The following CFAP77 variants were observed in gnomAD, a reference collection of about 807,000 sequenced individuals.
The protein encoded by CFAP77 is cilia and flagella associated protein 77.
In CFAP77, 25 loss-of-function variants were observed where a neutral mutation model predicts 31.1. The observed-to-expected ratio is 0.80, with a 90% CI of 0.59 to 1.12. The LOEUF is 1.12. CFAP77 is among the 50% of genes most tolerant of loss of function. The probability of loss-of-function intolerance (pLI) is 0.00; values close to 1 mark genes in which losing one functional copy is unlikely to be tolerated. For synonymous variants in CFAP77, 151 were observed against 159.9 expected (o/e 0.94, Z 0.42); for missense variants, 377 against 397.3 (o/e 0.95, Z 0.44).
intron 1 of CFAP77, among the ~76,000 whole-genome samples, chr9:132,428,401 G>C (rs1850351655): frequency 6.6e-6 from 1 of 152,028 alleles, no homozygotes; most frequent in South Asian, 2.1e-4. Context: ...CAGGCGGGAG[G>C]TCAGGAGTTC....
At chr9:132,502,254 T>C (rs769459671) in intron 3 of CFAP77, among the ~76,000 whole-genome samples, 4 of 85,116 alleles carry the variant, frequency 4.7e-5, no homozygotes, top group Non-Finnish European at 9.0e-5. Context: ...TGCCATCATA[T>C]ATATATATAT....
intron 5 of CFAP77, among the ~76,000 whole-genome samples, chr9:132,557,432 A>G (rs1589924867): frequency 6.6e-6 from 1 of 152,194 alleles, no homozygotes; most frequent in Admixed American, 6.5e-5. Context: ...TGGGCCCAGC[A>G]CAGCCAGGGA....
At chr9:132,453,678 GCCAGGGGCA>G (rs1267645413) in intron 1 of CFAP77, among the ~76,000 whole-genome samples, 1 of 152,212 alleles carries the variant, frequency 6.6e-6, no homozygotes, top group Non-Finnish European at 1.5e-5. Context: ...GGGGGCTGGA[GCCAGGGGCA>G]CCAGGTAATG....
intron 1 of CFAP77, among the ~76,000 whole-genome samples, chr9:132,423,324 G>A (rs1297619113): frequency 6.6e-6 from 1 of 152,222 alleles, no homozygotes; most frequent in Non-Finnish European, 1.5e-5. Context: ...GGGAGGATGA[G>A]GAAGAGGCTG....
At chr9:132,467,596 TC>T (rs1851177898) in intron 1 of CFAP77, among the ~76,000 whole-genome samples, 1 of 152,216 alleles carries the variant, frequency 6.6e-6, no homozygotes, top group Non-Finnish European at 1.5e-5. Flanking sequence ...CATTCTTCCA[TC>T]GATGGACACT....
chr9:132,522,527 G>T (rs541565678), intron 3 of CFAP77, among the ~76,000 whole-genome samples: 2 of 152,102 alleles, frequency 1.3e-5, no homozygotes, highest in Non-Finnish European at 2.9e-5. Flanking sequence ...GGCAAAAATC[G>T]TTCATTTTGG....
chr9:132,562,505 G>T (rs1261063635), intron 5 of CFAP77, among the ~76,000 whole-genome samples: 1 of 152,048 alleles, frequency 6.6e-6, no homozygotes, highest in Non-Finnish European at 1.5e-5. Flanking sequence ...TCATGCTTAG[G>T]TTCCATTCTG....
At chr9:132,466,361 T>G (rs1390735167) in intron 1 of CFAP77, among the ~76,000 whole-genome samples, 1 of 152,120 alleles carries the variant, frequency 6.6e-6, no homozygotes, top group Non-Finnish European at 1.5e-5. Context: ...TGACACACAT[T>G]CAGGTCAGCT....
At chr9:132,532,566 G>A (rs1028787064) in intron 3 of CFAP77, among the ~76,000 whole-genome samples, 4 of 152,182 alleles carry the variant, frequency 2.6e-5, no homozygotes, top group Middle Eastern at 3.2e-3. Context: ...CAAAGTTTAA[G>A]ACCACCACGC....
intron 5 of CFAP77, among the ~76,000 whole-genome samples, chr9:132,549,764 C>T (rs924272546): frequency 1.3e-5 from 2 of 152,064 alleles, no homozygotes; most frequent in African/African-American, 2.4e-5. Flanking sequence ...GCTTGAGCCA[C>T]GGAGGTGGAG....
chr9:132,451,667 CCCT>C (rs1374997660), intron 1 of CFAP77, among the ~76,000 whole-genome samples: 1 of 152,104 alleles, frequency 6.6e-6, no homozygotes, highest in Non-Finnish European at 1.5e-5. Flanking sequence ...CCACCACGCC[CCCT>C]AAGTTCAGGG....
intron 1 of CFAP77, among the ~76,000 whole-genome samples, chr9:132,431,139 T>C (rs1243788842): frequency 6.6e-6 from 1 of 152,152 alleles, no homozygotes; most frequent in East Asian, 1.9e-4. Flanking sequence ...CCTGAGCCCA[T>C]ACAAAAGGCA....
At chr9:132,538,511 C>T (rs768885329) in intron 4 of CFAP77, among the ~76,000 whole-genome samples, 8 of 152,198 alleles carry the variant, frequency 5.3e-5, no homozygotes, top group Admixed American at 6.5e-5. Context: ...CAAGGCCGGG[C>T]GCGGTGGCTC....
intron 1 of CFAP77, among the ~76,000 whole-genome samples, chr9:132,429,397 G>A (rs1183274869): frequency 1.3e-5 from 2 of 151,810 alleles, no homozygotes; most frequent in African/African-American, 4.8e-5. Flanking sequence ...AAATTAGCCA[G>A]GGGTGGTGGC....
At chr9:132,505,576 T>C (rs973784697) in intron 3 of CFAP77, among the ~76,000 whole-genome samples, 9 of 151,856 alleles carry the variant, frequency 5.9e-5, no homozygotes. Flanking sequence ...GGAGTTTGGC[T>C]GGTACAGTAA....
rs1239765464 is a variant in CFAP77 at position 132,552,014 on chromosome 9, G to A, written c.732+8967G>A. Among the ~76,000 whole-genome samples, 1 of 152,232 alleles carries A rather than the reference G, an allele frequency of 6.6e-6. No homozygotes were observed. The highest frequency in any genetic ancestry group is 1.9e-4 in the East Asian group (1 of 5,204). On this transcript the variant is annotated intron_variant, in intron 5 of 5. Coordinates refer to ENST00000393216, the MANE Select transcript of CFAP77 (RefSeq NM_001282957.2). The surrounding 1 kb of genome is among the most constrained non-coding windows in gnomAD (Gnocchi z 5.5). ...CCTCTAGACCTTGATAAAACCTCGG[G>A]CATCTTTTAAATTGCAGTTTGGCCC...
chr9:132,429,499 C>T (rs1850370111), intron 1 of CFAP77, among the ~76,000 whole-genome samples: 1 of 145,006 alleles, frequency 6.9e-6, no homozygotes, highest in South Asian at 2.2e-4. Flanking sequence ...GATCGCACCA[C>T]CGCACTCTAG....
chr9:132,417,317 G>A (rs1850122387), intron 1 of CFAP77, among the ~76,000 whole-genome samples: 1 of 152,058 alleles, frequency 6.6e-6, no homozygotes, highest in Admixed American at 6.5e-5. Context: ...CTTTCACCAT[G>A]TTGGCCAGGC....
intron 1 of CFAP77, among the ~76,000 whole-genome samples, chr9:132,466,515 C>T (rs2131731113): frequency 6.6e-6 from 1 of 152,308 alleles, no homozygotes; most frequent in East Asian, 1.9e-4. Flanking sequence ...TGTCGCATTG[C>T]CCTCTGCACT....
Sources: allele counts gnomAD v4.1 joint callset (sites outside exome capture counted in the v4.1 genomes callset), GRCh38; gene constraint gnomAD v4.1.1; non-coding constraint Gnocchi (gnomAD v3.1); transcripts MANE v1.5; gene names NCBI Gene and HGNC (gene_info 2026-07-23, HGNC 2026-07-21).